Variants in SCYL2 observed in about 807,000 individuals in gnomAD.
SCYL2 encodes SCY1 like pseudokinase 2, also known as SCY1-like protein 2.
Under a neutral mutation model 100.4 loss-of-function variants are expected in SCYL2, and 36 were observed. That is an observed-to-expected ratio of 0.36 (90% CI 0.27 to 0.47). The LOEUF is 0.47. Among genes scored for constraint, SCYL2 ranks in the 20% least tolerant of loss-of-function variants. The probability of loss-of-function intolerance (pLI) is 1.00; values close to 1 mark genes in which losing one functional copy is unlikely to be tolerated. For missense variants in SCYL2, 902 were observed against 1,083.9 expected (o/e 0.83, Z 2.36); for synonymous variants, 330 against 359.2 (o/e 0.92, Z 0.92).
At position 100,326,803 on chromosome 12, in the gene SCYL2, A is replaced by G. The variant is rs1952136133; in HGVS notation, c.1642+49A>G. ...TGATGCTATTTTATCATGCAAATAA[A>G]TTTTCCAATCTATAAAACAATTATA... On this transcript the variant is annotated intron_variant, in intron 12 of 17. Coordinates refer to ENST00000360820, the MANE Select transcript of SCYL2 (RefSeq NM_017988.6). The G allele has an allele frequency of 3.3e-6, 5 of 1,536,718 alleles. No homozygotes were observed. In the South Asian group the frequency reaches 3.6e-5, roughly 11 times the overall value.
intron 4 of SCYL2, among the ~76,000 whole-genome samples, chr12:100,302,662 G>A (rs1403635282): frequency 2.6e-5 from 4 of 152,172 alleles, no homozygotes; most frequent in Non-Finnish European, 4.4e-5. Context: ...TGGGTAACCC[G>A]ACCTTTCTCT....
In SCYL2 at chr12:100,326,504, A is replaced by G. The variant is rs76394928; in HGVS notation, c.1510-118A>G. ...GTTGATAAAGGATGAGAGCTTCTAAATCTACATTTATTCTTGAGACTTTAA... is the reference window on the plus strand; with the variant it reads ...GTTGATAAAGGATGAGAGCTTCTAAGTCTACATTTATTCTTGAGACTTTAA... On this transcript the variant is annotated intron_variant, in intron 11 of 17. Coordinates refer to ENST00000360820, the MANE Select transcript of SCYL2 (RefSeq NM_017988.6). 5,139 of 687,934 alleles carry G rather than the reference A, an allele frequency of 7.5e-3. 204 individuals carry two copies. The African/African-American group carries it at 0.085, about 11-fold the overall frequency. 42.6% of individuals were successfully genotyped at this position (687,934 alleles called of 1,614,324 possible). A position where few individuals can be genotyped will look rare whatever the true frequency, so the allele number is the denominator to read the frequency against.
chr12:100,294,160 G>A (rs1489284817), intron 3 of SCYL2, among the ~76,000 whole-genome samples: 1 of 139,134 alleles, frequency 7.2e-6, no homozygotes, highest in Non-Finnish European at 1.6e-5. Flanking sequence ...GCGGGGGGCT[G>A]ACTCCCCCAC....
chr12:100,290,413 T>G (rs1566348970), intron 2 of SCYL2, among the ~76,000 whole-genome samples: 1 of 152,224 alleles, frequency 6.6e-6, no homozygotes, highest in Non-Finnish European at 1.5e-5. Flanking sequence ...CCTTAACTCA[T>G]TTATATACAT....
chr12:100,295,375 G>A (rs2096318336), intron 3 of SCYL2, among the ~76,000 whole-genome samples: 1 of 152,226 alleles, frequency 6.6e-6, no homozygotes. Context: ...GTAGCGAGCC[G>A]AGATCACGCC....
At chr12:100,336,061 A>G (rs971545515) in intron 16 of SCYL2, among the ~76,000 whole-genome samples, 155 bp downstream of exon 16, 1 of 152,138 alleles carries the variant, frequency 6.6e-6, no homozygotes, top group African/African-American at 2.4e-5. Flanking sequence ...ACATGACCCT[A>G]ACCCATTTTG....
chr12:100,318,134 G>A (rs1166806477), intron 10 of SCYL2, among the ~76,000 whole-genome samples: 1 of 152,042 alleles, frequency 6.6e-6, no homozygotes, highest in Non-Finnish European at 1.5e-5. Context: ...AGTGAAAAAA[G>A]TAATCAGTCT....
At chr12:100,330,263 T>C (rs1176079513) in intron 13 of SCYL2, among the ~76,000 whole-genome samples, 1 of 152,196 alleles carries the variant, frequency 6.6e-6, no homozygotes, top group Non-Finnish European at 1.5e-5. Context: ...AATGCCTGTC[T>C]GGTTTAGGTA....
chr12:100,293,944 G>A (rs896837766), intron 3 of SCYL2, among the ~76,000 whole-genome samples: 4 of 151,830 alleles, frequency 2.6e-5, no homozygotes, highest in South Asian at 2.1e-4. Flanking sequence ...ACACAGACAC[G>A]GCAACCATCC....
Position 100,312,625 on chromosome 12 carries a change from A to G in SCYL2, c.824A>G (p.Tyr275Cys). The G allele has an allele frequency of 6.2e-7, 1 of 1,612,490 alleles. No individual in the cohort carries two copies. The highest frequency in any genetic ancestry group is 8.5e-7 in the Non-Finnish European group (1 of 1,179,124). The change falls in exon 6 of 18, where the codon TAC (tyrosine) becomes TGC (cysteine). Residue 275 changes from tyrosine (Y) to cysteine (C), a missense_variant. Tyr to Cys is a radical substitution (Grantham distance 194, BLOSUM62 -2). Coordinates refer to ENST00000360820, the MANE Select transcript of SCYL2 (RefSeq NM_017988.6). Reference protein sequence around the residue: ...PIFEVNKQDIYKSFSRQLDQL... With the variant: ...PIFEVNKQDICKSFSRQLDQL... ...TTTGAAGTCAACAAGCAAGATATTT[A>G]CAAGAGTTTCAGTAGGCAGTTGGAT...
intron 2 of SCYL2, among the ~76,000 whole-genome samples, chr12:100,290,852 T>C (rs2096309736): frequency 6.6e-6 from 1 of 152,110 alleles, no homozygotes; most frequent in African/African-American, 2.4e-5. Flanking sequence ...ATGAGAACTG[T>C]TTTTCCTTGG....
At chr12:100,282,227 A>G (rs114960625) in intron 1 of SCYL2, among the ~76,000 whole-genome samples, 19,433 of 122,154 alleles carry the variant, frequency 0.16, 2,763 homozygotes, top group African/African-American at 0.29. Flanking sequence ...TTTTCGCCAC[A>G]TTGGCCAGAC....
In SCYL2 at chr12:100,315,721, A is replaced by T; in HGVS notation, c.1259A>T (p.Gln420Leu). The T allele has an allele frequency of 6.2e-7, 1 of 1,606,460 alleles. No individual in the cohort carries two copies. The highest frequency in any genetic ancestry group is 8.5e-7 in the Non-Finnish European group (1 of 1,176,252). Residue 420 changes from glutamine (Q) to leucine (L), a missense_variant, in exon 9 of 18, where the codon CAG (glutamine) becomes CTG (leucine). By Grantham distance (113) the Gln-to-Leu change is moderately radical. Coordinates refer to ENST00000360820, the MANE Select transcript of SCYL2 (RefSeq NM_017988.6). ...GAACTTGGCCCTGTGTTTAAGCAGC[A>T]GGAGCCAATCCAGGTATGTTATAGA... ...LPELGPVFKQ[Q>L]EPIQILLIFL...
intron 4 of SCYL2, among the ~76,000 whole-genome samples, chr12:100,305,219 T>C (rs2096332807): frequency 3.9e-5 from 6 of 152,182 alleles, no homozygotes. Context: ...CAGCACCACA[T>C]TGCAGTTATT....
At chr12:100,330,949 C>T (rs1473045460) in intron 13 of SCYL2, among the ~76,000 whole-genome samples, 1 of 151,674 alleles carries the variant, frequency 6.6e-6, no homozygotes, top group Non-Finnish European at 1.5e-5. Flanking sequence ...ATGCCTCAGC[C>T]TCCTGAATAC....
At position 100,340,186 on chromosome 12, in the gene SCYL2, T is replaced by C. The variant is rs1472600651; in HGVS notation, c.*1014T>C. ...CCACCAACAGATTTTCAGCTTGCCA[T>C]GATAGTCTGACCTCATTAATTACTG... On this transcript the variant is annotated 3_prime_UTR_variant, in exon 18 of 18. Coordinates refer to ENST00000360820, the MANE Select transcript of SCYL2 (RefSeq NM_017988.6). 2 of 152,628 alleles carry C rather than the reference T, an allele frequency of 1.3e-5. No homozygotes were observed. Among genetic ancestry groups the C allele is most frequent in the African/African-American group, 4.8e-5 (2 of 41,474 alleles). The allele number at this position is 152,628 out of a possible 1,614,324, so 9.5% of individuals were successfully genotyped here. A position where few individuals can be genotyped will look rare whatever the true frequency, so the allele number is the denominator to read the frequency against.
chr12:100,327,387 A>G (rs1952143359), intron 12 of SCYL2, among the ~76,000 whole-genome samples: 1 of 152,220 alleles, frequency 6.6e-6, no homozygotes, highest in Non-Finnish European at 1.5e-5. Context: ...AATCATTTAT[A>G]TATAGTTAAA....
chr12:100,333,871 G>T, intron 13 of SCYL2: 1 of 224,088 alleles, frequency 4.5e-6, no homozygotes, highest in Non-Finnish European at 8.8e-6. Context: ...TTTATACAAG[G>T]CCCCTGAATA....
At chr12:100,332,136 T>C (rs1566371881) in intron 13 of SCYL2, among the ~76,000 whole-genome samples, 1 of 152,170 alleles carries the variant, frequency 6.6e-6, no homozygotes, top group Non-Finnish European at 1.5e-5. Context: ...CCCAGTGAAA[T>C]CACGCAGGAT....
Sources: allele counts gnomAD v4.1 joint callset (sites outside exome capture counted in the v4.1 genomes callset), GRCh38; gene constraint gnomAD v4.1.1; transcripts MANE v1.5; gene names NCBI Gene and HGNC (gene_info 2026-07-23, HGNC 2026-07-21).